The following ELMOD1 variants were observed in gnomAD, a reference collection of about 807,000 sequenced individuals.
ELMOD1 encodes the protein ELMO domain containing 1.
A neutral mutation model predicts 46.7 loss-of-function variants in ELMOD1; 21 were observed. That is an observed-to-expected ratio of 0.45 (90% CI 0.32 to 0.65). The LOEUF is 0.65. Among genes scored for constraint, ELMOD1 ranks in the 30% least tolerant of loss-of-function variants. The pLI is 0.04. For synonymous variants in ELMOD1, 122 were observed against 138.2 expected, an observed-to-expected ratio of 0.88 and a Z score of 0.82; for missense variants, 348 against 407.8, an observed-to-expected ratio of 0.85 and a Z score of 1.26.
intron 6 of ELMOD1, chr11:107,642,816 T>G: frequency 1.5e-5 from 3 of 205,388 alleles, no homozygotes; most frequent in Non-Finnish European, 3.2e-5. Flanking sequence ...TTGATGGGTC[T>G]AAAATGATAC....
intron 6 of ELMOD1, among the ~76,000 whole-genome samples, chr11:107,644,216 T>C (rs1242952482): frequency 6.6e-6 from 1 of 151,526 alleles, no homozygotes; most frequent in Non-Finnish European, 1.5e-5. Flanking sequence ...GAATCCCTTG[T>C]ACCCAGGAAG....
At position 107,645,469 on chromosome 11, in the gene ELMOD1, G is replaced by A. The variant is rs188539769; in HGVS notation, c.421-1999G>A. On this transcript the variant is annotated intron_variant, in intron 6 of 11. Coordinates refer to ENST00000265840, the MANE Select transcript of ELMOD1 (RefSeq NM_018712.4). ...CTCCCAAGTAGTTGGGATTATAGGC[G>A]CGGGCCACCACGCCCGGCTAATTTT... 2.7e-3 allele frequency among the ~76,000 whole-genome samples: 415 copies of A among 152,180 alleles called. 3 individuals carry two copies. Among genetic ancestry groups the A allele is most frequent in the African/African-American group, 9.5e-3 (396 of 41,510 alleles).
intron 11 of ELMOD1, among the ~76,000 whole-genome samples, chr11:107,657,227 TA>T (rs1311537964): frequency 6.6e-6 from 1 of 152,150 alleles, no homozygotes; most frequent in Non-Finnish European, 1.5e-5. Flanking sequence ...CGTTGTATTC[TA>T]AAAAATAGAA....
chr11:107,627,942 A>G (rs993629906), intron 2 of ELMOD1, among the ~76,000 whole-genome samples: 1 of 152,172 alleles, frequency 6.6e-6, no homozygotes, highest in East Asian at 1.9e-4. Context: ...AAAATTGCAC[A>G]TGGAACAGAT....
At chr11:107,654,005 C>G (rs1452086150) in intron 9 of ELMOD1, 167 bp from the exon 10 acceptor site, 16 of 625,338 alleles carry the variant, frequency 2.6e-5, no homozygotes, top group Admixed American at 2.2e-4. Context: ...TTAAATAATT[C>G]CATTTCTGAC....
chr11:107,654,121 AC>A, intron 9 of ELMOD1, 50 bp from the exon 10 acceptor site: 1 of 1,451,248 alleles, frequency 6.9e-7, no homozygotes, highest in Non-Finnish European at 9.5e-7. Flanking sequence ...GAGAACAAGT[AC>A]CAATTAGAGG....
intron 7 of ELMOD1, 27 bp downstream of exon 7, chr11:107,647,628 G>A (rs777710006): frequency 6.2e-7 from 1 of 1,603,976 alleles, no homozygotes; most frequent in Non-Finnish European, 8.5e-7. Context: ...ACAGCTAAGT[G>A]TTCGAGTGAT....
chr11:107,608,792 T>A lies in ELMOD1; in HGVS notation c.-85-9313T>A, dbSNP rs1263828784. ...CAGGGTAACTGTTTTTATATGGGAG[T>A]CCTCCAGGTAGCTCCCAGAGGAACA... is the stretch of plus-strand genomic sequence containing the variant. On this transcript the variant is annotated intron_variant, in intron 1 of 11. Transcript: ENST00000265840. 2.6e-5 allele frequency among the ~76,000 whole-genome samples: 4 copies of A among 152,198 alleles called. No homozygotes were observed. The East Asian group carries it at 5.8e-4, about 22-fold the overall frequency.
chr11:107,629,539 A>C (rs1354189810), intron 2 of ELMOD1, among the ~76,000 whole-genome samples: 1 of 152,204 alleles, frequency 6.6e-6, no homozygotes, highest in East Asian at 1.9e-4. Flanking sequence ...GTAGGCACTC[A>C]CATTTTTAAA....
intron 6 of ELMOD1, among the ~76,000 whole-genome samples, chr11:107,640,318 C>A (rs1179117533): frequency 2.0e-5 from 3 of 152,160 alleles, no homozygotes; most frequent in Non-Finnish European, 4.4e-5. Context: ...CAATATTTAG[C>A]AAGTTTGTTT....
intron 10 of ELMOD1, among the ~76,000 whole-genome samples, chr11:107,654,624 C>G (rs1212446137): frequency 1.3e-5 from 2 of 152,044 alleles, no homozygotes; most frequent in Non-Finnish European, 2.9e-5. Flanking sequence ...AAAAAATTAG[C>G]CGGGCGTGTT....
In ELMOD1 at chr11:107,620,181, G is replaced by T. The variant is rs573314724; in HGVS notation, c.17+1975G>T. On this transcript the variant is annotated intron_variant, in intron 2 of 11. Transcript: ENST00000265840. ...GAGAATGAGGAGCTGACTTTTCACT[G>T]GGAAGAATTCAGCATTATTTAAAAG... The T allele has an allele frequency of 4.3e-4, 66 of 152,248 alleles. No individual in the cohort carries two copies. The East Asian group carries it at 0.013, about 29-fold the overall frequency. 9.4% of individuals were successfully genotyped at this position (152,248 alleles called of 1,614,324 possible). A position where few individuals can be genotyped will look rare whatever the true frequency, so the allele number is the denominator to read the frequency against.
chr11:107,610,119 A>G (rs2135664847), intron 1 of ELMOD1, among the ~76,000 whole-genome samples: 1 of 152,358 alleles, frequency 6.6e-6, no homozygotes, highest in Non-Finnish European at 1.5e-5. Context: ...AGTCCAGAGC[A>G]GAAGGAGACA....
chr11:107,608,875 A>T (rs1007502276), intron 1 of ELMOD1, among the ~76,000 whole-genome samples: 1 of 152,180 alleles, frequency 6.6e-6, no homozygotes, highest in Non-Finnish European at 1.5e-5. Flanking sequence ...TTTGCAGTTT[A>T]GTTTGAAATG....
At chr11:107,619,720 T>A (rs1243257245) in intron 2 of ELMOD1, among the ~76,000 whole-genome samples, 1 of 152,246 alleles carries the variant, frequency 6.6e-6, no homozygotes, top group Non-Finnish European at 1.5e-5. Flanking sequence ...AGTACATTTT[T>A]AAATTAATTT....
intron 9 of ELMOD1, chr11:107,653,407 T>C (rs987964022): frequency 6.6e-6 from 1 of 152,164 alleles, no homozygotes; most frequent in Admixed American, 6.6e-5. Context: ...TTTCAAACAG[T>C]CTTATTCAGA....
chr11:107,658,511 C>G (rs1396946980), intron 11 of ELMOD1, among the ~76,000 whole-genome samples: 1 of 152,078 alleles, frequency 6.6e-6, no homozygotes, highest in Non-Finnish European at 1.5e-5. Context: ...CTGAGGAAGA[C>G]AGGCATTTAA....
At chr11:107,603,788 G>A (rs1865643100) in intron 1 of ELMOD1, among the ~76,000 whole-genome samples, 1 of 151,474 alleles carries the variant, frequency 6.6e-6, no homozygotes, top group Non-Finnish European at 1.5e-5. Flanking sequence ...TGAGGCAGGA[G>A]AATTGCTTGA....
intron 1 of ELMOD1, among the ~76,000 whole-genome samples, chr11:107,609,934 A>G (rs1865748225): frequency 6.6e-6 from 1 of 152,122 alleles, no homozygotes; most frequent in East Asian, 1.9e-4. Context: ...AAATCTACAG[A>G]TTTGTTTTCT....
Sources: gnomAD v4.1 joint callset for allele counts (sites outside exome capture counted in the v4.1 genomes callset) on GRCh38, gnomAD v4.1.1 for gene constraint, MANE v1.5 for transcripts, NCBI Gene and HGNC (gene_info 2026-07-23, HGNC 2026-07-21) for gene names.